DLG2: variants seen among roughly 807,000 people sequenced by gnomAD.
DLG2 encodes the protein disks large homolog 2.
A neutral mutation model predicts 132.5 loss-of-function variants in DLG2; 45 were observed. The observed-to-expected ratio is 0.34, with a 90% CI of 0.27 to 0.44. DLG2 has a LOEUF of 0.44. DLG2 is among the 20% of genes least tolerant of loss of function. The probability of loss-of-function intolerance (pLI) is 1.00; values close to 1 mark genes in which losing one functional copy is unlikely to be tolerated. For missense variants in DLG2, 1,045 were observed against 1,196.9 expected (o/e 0.87, Z 1.87); for synonymous variants, 424 against 419.6 (o/e 1.01, Z -0.13).
At chr11:83,921,215 G>A (rs115648210) in intron 15 of DLG2, among the ~76,000 whole-genome samples, 2,764 of 152,178 alleles carry the variant, frequency 0.018, 91 homozygotes, top group African/African-American at 0.063. Flanking sequence ...AGTGATTGTT[G>A]TAATCATTAT....
intron 3 of DLG2, among the ~76,000 whole-genome samples, chr11:85,393,808 AG>A (rs2087028147): frequency 6.6e-6 from 1 of 152,294 alleles, no homozygotes; most frequent in South Asian, 2.1e-4. Context: ...ACTCAGGAAT[AG>A]AAAAACTAAA....
At chr11:84,209,532 C>G (rs2096722549) in intron 8 of DLG2, among the ~76,000 whole-genome samples, 2 of 151,870 alleles carry the variant, frequency 1.3e-5, no homozygotes, top group South Asian at 4.1e-4. Flanking sequence ...AATATGTTAT[C>G]AATGTGAAAA....
intron 15 of DLG2, among the ~76,000 whole-genome samples, chr11:83,876,062 G>A (rs1054994949): frequency 1.3e-5 from 2 of 152,112 alleles, no homozygotes; most frequent in African/African-American, 4.8e-5. Flanking sequence ...TCAGGACTTG[G>A]ACTATGTAGC....
chr11:84,225,192 A>G (rs906345830), intron 8 of DLG2, among the ~76,000 whole-genome samples: 85 of 152,214 alleles, frequency 5.6e-4, no homozygotes, highest in African/African-American at 2.0e-3. Flanking sequence ...AAAGTCCCTC[A>G]GTGAATATTT....
intron 6 of DLG2, among the ~76,000 whole-genome samples, chr11:84,889,045 G>A (rs537489610): frequency 6.6e-6 from 1 of 152,074 alleles, no homozygotes; most frequent in South Asian, 2.1e-4. Context: ...TTGGCATAAG[G>A]CCTCAATAAT....
chr11:83,884,321 CCA>C (rs1364180784), intron 15 of DLG2, among the ~76,000 whole-genome samples: 1 of 152,200 alleles, frequency 6.6e-6, no homozygotes, highest in Non-Finnish European at 1.5e-5. Flanking sequence ...GGTCCTACGC[CCA>C]CAGAGTCTCA....
chr11:84,924,283 G>T (rs1175744673), intron 6 of DLG2, among the ~76,000 whole-genome samples: 2 of 152,020 alleles, frequency 1.3e-5, no homozygotes. Context: ...AAGCTATCTG[G>T]CAAAATGCAA....
intron 3 of DLG2, among the ~76,000 whole-genome samples, chr11:85,591,695 TC>T (rs1417694939): frequency 6.6e-6 from 1 of 152,112 alleles, no homozygotes; most frequent in Non-Finnish European, 1.5e-5. Context: ...GAGCCAAAGA[TC>T]AAGCCACTGC....
chr11:85,402,587 A>T (rs952988627), intron 3 of DLG2, among the ~76,000 whole-genome samples: 2 of 152,172 alleles, frequency 1.3e-5, no homozygotes, highest in African/African-American at 4.8e-5. Context: ...TTTGCAATCT[A>T]CCCATCTGAC....
intron 6 of DLG2, among the ~76,000 whole-genome samples, chr11:84,859,405 TAC>T (rs974085534): frequency 8.9e-5 from 13 of 145,328 alleles, no homozygotes; most frequent in African/African-American, 3.3e-4. Context: ...TATGTATATA[TAC>T]ATATATATGT....
At chr11:84,046,460 A>G (rs770417108) in intron 11 of DLG2, among the ~76,000 whole-genome samples, 1 of 151,440 alleles carries the variant, frequency 6.6e-6, no homozygotes, top group Non-Finnish European at 1.5e-5. Context: ...ACTACTAAAA[A>G]CTCAATGACT....
intron 6 of DLG2, among the ~76,000 whole-genome samples, chr11:84,795,045 G>C (rs1009280955): frequency 4.6e-5 from 7 of 152,228 alleles, no homozygotes; most frequent in African/African-American, 1.7e-4. Context: ...CTGGGGACCA[G>C]GCTACCAGTT....
At chr11:84,374,006 C>A (rs2098719363) in intron 7 of DLG2, among the ~76,000 whole-genome samples, 1 of 152,112 alleles carries the variant, frequency 6.6e-6, no homozygotes, top group African/African-American at 2.4e-5. Flanking sequence ...ATTTGCTCTG[C>A]GTTGAGAGGT....
At chr11:85,180,664 A>C (rs904153902) in intron 4 of DLG2, among the ~76,000 whole-genome samples, 2 of 151,876 alleles carry the variant, frequency 1.3e-5, no homozygotes, top group African/African-American at 2.4e-5. Flanking sequence ...GCAGTTAAAT[A>C]TCAGCATTAA....
chr11:84,144,088 A>G (rs1200725679), intron 9 of DLG2, among the ~76,000 whole-genome samples: 13 of 152,124 alleles, frequency 8.5e-5, no homozygotes, highest in Non-Finnish European at 2.9e-5. Context: ...TTGGGGCCCT[A>G]TGCAGTTTCC....
chr11:84,551,854 A>G (rs931766566), intron 6 of DLG2, among the ~76,000 whole-genome samples: 4 of 152,212 alleles, frequency 2.6e-5, no homozygotes, highest in African/African-American at 9.6e-5. Flanking sequence ...GAAAGTATAA[A>G]TAGAAATAAC....
At chr11:85,163,930 G>T (rs2078232258) in intron 4 of DLG2, among the ~76,000 whole-genome samples, 1 of 152,084 alleles carries the variant, frequency 6.6e-6, no homozygotes. Flanking sequence ...ATGTATGCAT[G>T]GGAGTCTCAC....
chr11:84,370,996 T>C (rs950502216), intron 7 of DLG2, among the ~76,000 whole-genome samples: 2 of 152,154 alleles, frequency 1.3e-5, no homozygotes, highest in Admixed American at 6.6e-5. Context: ...CTTCACACTT[T>C]CCATTCTGGC....
chr11:84,383,160 T>C (rs1056715975), intron 7 of DLG2, among the ~76,000 whole-genome samples: 2 of 152,066 alleles, frequency 1.3e-5, no homozygotes, highest in Non-Finnish European at 2.9e-5. Flanking sequence ...TCAATACTCT[T>C]TCACTTGTCT....
Sources: allele counts gnomAD v4.1 joint callset (sites outside exome capture counted in the v4.1 genomes callset), GRCh38; gene constraint gnomAD v4.1.1; transcripts MANE v1.5; gene names NCBI Gene and HGNC (gene_info 2026-07-23, HGNC 2026-07-21).